LAMA2: variants seen among roughly 807,000 people sequenced by gnomAD.
LAMA2 encodes laminin subunit alpha 2, also known as laminin subunit alpha-2.
Under a neutral mutation model 364.8 loss-of-function variants are expected in LAMA2, and 269 were observed. That is an observed-to-expected ratio of 0.74 (90% CI 0.67 to 0.82). The LOEUF is 0.82. LAMA2 is among the 40% of genes least tolerant of loss of function. LAMA2 has a pLI of 0.00. For synonymous variants in LAMA2, 1,379 were observed against 1,370.6 expected (o/e 1.01, Z -0.14); for missense variants, 3,807 against 3,873.2 (o/e 0.98, Z 0.45).
rs1272258138 is a variant in LAMA2 at position 129,480,945 on chromosome 6, A to ATCTT, written c.7573-316_7573-313dup. ...CTGCTTGTGTGTCAGTTTGACTTAA[A>ATCTT]TCTTTGGTTTAAACAACAACAACAA... On this transcript the variant is annotated intron_variant, in intron 54 of 64. Coordinates refer to ENST00000421865, the MANE Select transcript of LAMA2 (RefSeq NM_000426.4). Among the ~76,000 whole-genome samples the ATCTT allele has an allele frequency of 4.1e-5, 6 of 145,096 alleles. No homozygotes were observed. In the East Asian group the frequency reaches 1.2e-3, roughly 29 times the overall value.
At chr6:129,104,658 T>G (rs562607863) in intron 4 of LAMA2, among the ~76,000 whole-genome samples, 4 of 152,172 alleles carry the variant, frequency 2.6e-5, no homozygotes, top group Non-Finnish European at 5.9e-5. Flanking sequence ...GGTCTGGCCT[T>G]TCCTTATGGC....
chr6:129,172,955 C>A (rs555504307), intron 9 of LAMA2, among the ~76,000 whole-genome samples: 1 of 152,364 alleles, frequency 6.6e-6, no homozygotes, highest in South Asian at 2.1e-4. Context: ...TCCGTCACCC[C>A]TTTCTGTGAC....
At chr6:128,993,233 A>G (rs1313631870) in intron 1 of LAMA2, among the ~76,000 whole-genome samples, 1 of 152,244 alleles carries the variant, frequency 6.6e-6, no homozygotes, top group Admixed American at 6.5e-5. Flanking sequence ...TCTCTTTTCC[A>G]TATGAAGATA....
At chr6:129,456,258 C>G in intron 47 of LAMA2, 77 bp from the exon 48 acceptor site, 1 of 1,367,306 alleles carries the variant, frequency 7.3e-7, no homozygotes, top group South Asian at 1.2e-5. Flanking sequence ...TCTTTTAAAT[C>G]TGGAATTACC....
intron 8 of LAMA2, among the ~76,000 whole-genome samples, chr6:129,156,951 C>G (rs1268214786): frequency 6.6e-6 from 1 of 152,044 alleles, no homozygotes; most frequent in Non-Finnish European, 1.5e-5. Flanking sequence ...TTATTTTCTT[C>G]TAATTCAAAT....
intron 3 of LAMA2, among the ~76,000 whole-genome samples, chr6:129,072,845 T>A (rs115235362): frequency 0.012 from 1,808 of 152,262 alleles, 36 homozygotes; most frequent in African/African-American, 0.042. Context: ...TTCTCATATG[T>A]TTAATTCTAT....
At position 129,177,834 on chromosome 6, in the gene LAMA2, G is replaced by C. The variant is rs747219273; in HGVS notation, c.1435G>C (p.Glu479Gln). Reference sequence around the variant, plus strand: ...CTGCAGTGGGTTAGGGAGCAAAAATGAGGATCCTTGTTTTGGCCCCTGTAT... The same window carrying C: ...CTGCAGTGGGTTAGGGAGCAAAAATCAGGATCCTTGTTTTGGCCCCTGTAT... The part of the protein sequence containing the change: ...CNCSGLGSKN[E>Q]DPCFGPCICK... The change falls in exon 10 of 65, where the codon GAG becomes CAG. Residue 479 changes from glutamate to glutamine, a missense_variant. This residue lies in a region of LAMA2 where 3,333 missense variants were observed against 3,345.7 expected (regional missense o/e 1.00). Transcript: ENST00000421865. 1.2e-6 allele frequency: 2 copies of C among 1,613,988 alleles called. No homozygotes were observed. The highest frequency in any genetic ancestry group is 1.7e-6 in the Non-Finnish European group (2 of 1,179,952).
chr6:129,220,777 C>G (rs1164096956), intron 12 of LAMA2, among the ~76,000 whole-genome samples: 1 of 152,100 alleles, frequency 6.6e-6, no homozygotes, highest in Non-Finnish European at 1.5e-5. Context: ...GTATGCTCAG[C>G]CACTGATGTA....
chr6:129,112,959 A>T (rs952883658), intron 4 of LAMA2, among the ~76,000 whole-genome samples: 9 of 152,078 alleles, frequency 5.9e-5, no homozygotes, highest in Non-Finnish European at 1.0e-4. Flanking sequence ...CTTAGGGAAA[A>T]CAAAAACAAA....
At position 129,391,509 on chromosome 6, in the gene LAMA2, T is replaced by C. The variant is rs1779318232; in HGVS notation, c.5090T>C (p.Ile1697Thr). The C allele has an allele frequency of 2.5e-6, 4 of 1,613,620 alleles. No individual in the cohort carries two copies. Among genetic ancestry groups the C allele is most frequent in the Non-Finnish European group, 3.4e-6 (4 of 1,179,842 alleles). Residue 1697 changes from isoleucine (I) to threonine (T), a missense_variant, in exon 36 of 65, where the codon ATA (isoleucine) becomes ACA (threonine). By Grantham distance (89) the Ile-to-Thr change is moderately conservative (BLOSUM62 -1). Transcript: ENST00000421865. ...RDAEAVNEKA[I>T]KLNETLGTRD... ...CCTGCAGCTGTAAATGAAAAAGCTA[T>C]AAAACTAAATGAAACTCTAGGAACT...
chr6:128,976,714 T>A (rs1221237541), intron 1 of LAMA2, among the ~76,000 whole-genome samples: 1 of 152,184 alleles, frequency 6.6e-6, no homozygotes. Flanking sequence ...TGGGGGGCCT[T>A]AAAATCTGTA....
At chr6:129,298,660 G>A (rs1773356691) in intron 21 of LAMA2, among the ~76,000 whole-genome samples, 1 of 152,082 alleles carries the variant, frequency 6.6e-6, no homozygotes, top group Non-Finnish European at 1.5e-5. Context: ...TCAGCACCAT[G>A]GTAAGATTTT....
At chr6:129,236,533 C>T (rs920103151) in intron 12 of LAMA2, among the ~76,000 whole-genome samples, 1 of 152,120 alleles carries the variant, frequency 6.6e-6, no homozygotes, top group Admixed American at 6.5e-5. Flanking sequence ...GCCAAAGTCA[C>T]AAATATTTCA....
chr6:129,072,552 T>C (rs1773386454), intron 3 of LAMA2, among the ~76,000 whole-genome samples: 1 of 152,158 alleles, frequency 6.6e-6, no homozygotes, highest in Admixed American at 6.5e-5. Flanking sequence ...TTACATTTAG[T>C]GTTACTATAC....
At chr6:129,027,048 T>A (rs556732340) in intron 1 of LAMA2, among the ~76,000 whole-genome samples, 30 of 152,230 alleles carry the variant, frequency 2.0e-4, no homozygotes, top group African/African-American at 7.2e-4. Flanking sequence ...AAGCAATACC[T>A]ATCTTTGGCT....
chr6:129,092,768 A>T (rs774216818), intron 3 of LAMA2, among the ~76,000 whole-genome samples: 3 of 152,184 alleles, frequency 2.0e-5, no homozygotes, highest in Non-Finnish European at 4.4e-5. Context: ...GTCAGGTCCT[A>T]TGAGAAGGAT....
chr6:129,393,586 G>C (rs1003006350), intron 37 of LAMA2, among the ~76,000 whole-genome samples: 4 of 152,158 alleles, frequency 2.6e-5, no homozygotes, highest in Non-Finnish European at 5.9e-5. Context: ...CCACTATCTA[G>C]ACATACAAAT....
At chr6:129,061,872 C>A (rs916320102) in intron 3 of LAMA2, among the ~76,000 whole-genome samples, 1 of 151,974 alleles carries the variant, frequency 6.6e-6, no homozygotes, top group Non-Finnish European at 1.5e-5. Flanking sequence ...GGTGTCCATC[C>A]ATATCCTTAT....
chr6:129,507,975 T>C (rs1786240195), intron 62 of LAMA2, among the ~76,000 whole-genome samples: 1 of 116,464 alleles, frequency 8.6e-6, no homozygotes, highest in African/African-American at 3.0e-5. Context: ...TTTCTGGAGA[T>C]GAGATATGAT....
Sources: gnomAD v4.1 joint callset for allele counts (sites outside exome capture counted in the v4.1 genomes callset) on GRCh38, gnomAD v4.1.1 for gene constraint, gnomAD v4.1.1 regional missense constraint, MANE v1.5 for transcripts, NCBI Gene and HGNC (gene_info 2026-07-23, HGNC 2026-07-21) for gene names.